Variants in MTMR6 observed in about 807,000 individuals in gnomAD.
MTMR6 encodes myotubularin related protein 6.
MTMR6 carries 47 observed loss-of-function variants against 80.1 expected under a neutral mutation model. The observed-to-expected ratio is 0.59, with a 90% CI of 0.46 to 0.75. MTMR6 has a LOEUF of 0.75. Ranked by LOEUF, MTMR6 falls within the 30% of genes least tolerant of loss-of-function variation. The probability of loss-of-function intolerance (pLI) is 0.00; values close to 1 mark genes in which losing one functional copy is unlikely to be tolerated. For synonymous variants in MTMR6, 254 were observed against 253.0 expected, an observed-to-expected ratio of 1.00 and a Z score of -0.04; for missense variants, 629 against 730.9, an observed-to-expected ratio of 0.86 and a Z score of 1.61.
intron 1 of MTMR6, among the ~76,000 whole-genome samples, chr13:25,274,937 CAG>C (rs1280044738): frequency 5.2e-5 from 7 of 134,406 alleles, no homozygotes; most frequent in African/African-American, 2.1e-4. Flanking sequence ...TACTAGTAGA[CAG>C]ACACACACAC....
In MTMR6 at chr13:25,261,303, TAAAAAAAAA is replaced by T. The variant is rs56833434; in HGVS notation, c.726+356_726+364del. On this transcript the variant is annotated intron_variant, in intron 6 of 13. Transcript: ENST00000381801. The stretch of plus-strand genomic sequence containing the variant: ...AGGGTGACAGAGTGCAACTCTGTCT[TAAAAAAAAA>T]AAAAAAAAAAAAAAAAAAAAAGAAT... Among the ~76,000 whole-genome samples the T allele has an allele frequency of 3.9e-3, 161 of 40,874 alleles. 2 individuals carry two copies. Among genetic ancestry groups the T allele is most frequent in the African/African-American group, 4.7e-3 (54 of 11,524 alleles). 26.8% of individuals were successfully genotyped at this position (40,874 alleles called of 152,430 possible).
Position 25,287,363 on chromosome 13 carries a change from G to T in MTMR6, c.-116C>A. On this transcript the variant is annotated 5_prime_UTR_variant, in exon 1 of 14. Transcript: ENST00000381801. ...ACTCCCTCCACCAGCCAGCGCCGCG[G>T]GTCTGTCTGCCGGCCCCGGTGGCGT... is the stretch of plus-strand genomic sequence containing the variant. 7.2e-7 allele frequency: 1 copy of T among 1,389,046 alleles called. No individual in the cohort carries two copies. The highest frequency in any genetic ancestry group is 9.9e-7 in the Non-Finnish European group (1 of 1,013,572). The allele number at this position is 1,389,046 out of a possible 1,614,324, so 86.0% of individuals were successfully genotyped here.
In MTMR6 at chr13:25,251,436, G is replaced by C. The variant is rs12431141; in HGVS notation, c.1605+213C>G. ...AGATAGTTATTATGTTTATCTATAC[G>C]TTATGCTATATACTTCCGGTATTTT... On this transcript the variant is annotated intron_variant, in intron 13 of 13. Transcript: ENST00000381801. This position sits in a 1 kb window ranked among gnomAD's most constrained non-coding sequence, Gnocchi z 4.1. Among the ~76,000 whole-genome samples the C allele has an allele frequency of 6.6e-6, 1 of 152,020 alleles. No individual in the cohort carries two copies. The highest frequency in any genetic ancestry group is 2.4e-5 in the African/African-American group (1 of 41,340).
chr13:25,270,665 G>A (rs1406574243), intron 2 of MTMR6, among the ~76,000 whole-genome samples: 2 of 152,218 alleles, frequency 1.3e-5, no homozygotes, highest in African/African-American at 4.8e-5. Flanking sequence ...ACTGGATGAA[G>A]AAGGGATCCA....
chr13:25,274,045 A>C (rs758140728), intron 2 of MTMR6, 26 bp downstream of exon 2: 5 of 1,318,384 alleles, frequency 3.8e-6, no homozygotes, highest in Non-Finnish European at 5.4e-6. Context: ...TATTATGATA[A>C]ATAGTACAGC....
chr13:25,260,318 ACCACCATGC>A (rs1266933635), intron 6 of MTMR6, among the ~76,000 whole-genome samples: 1 of 151,174 alleles, frequency 6.6e-6, no homozygotes, highest in Non-Finnish European at 1.5e-5. Flanking sequence ...ACAGGCATTC[ACCACCATGC>A]CCGGCTAATT....
In MTMR6 at chr13:25,285,534, G is replaced by A. The variant is rs73464646; in HGVS notation, c.24+1690C>T. ...ACTACAGGTACATACCACCCCACCC[G>A]GCTTTCTTTTTTTTTTTTGAGACTG... is the stretch of plus-strand genomic sequence containing the variant. On this transcript the variant is annotated intron_variant, in intron 1 of 13. Coordinates refer to ENST00000381801, the MANE Select transcript of MTMR6 (RefSeq NM_004685.5). Among the ~76,000 whole-genome samples, 927 of 150,782 alleles carry A rather than the reference G, an allele frequency of 6.1e-3. 11 individuals carry two copies. Among genetic ancestry groups the A allele is most frequent in the African/African-American group, 0.021 (855 of 41,180 alleles).
Position 25,249,381 on chromosome 13 carries a change from G to A in MTMR6, c.1717C>T (p.Gln573Ter), listed in dbSNP as rs1241902796. The part of the protein sequence containing the change: ...NLKTSLCFKE[Q>*]TLLPVNDALR... Reference sequence around the variant, plus strand: ...GCATCATTTACGGGTAGCAGAGTCTGCTCTTTAAAACACAGGGAAGTTTTG... The same window carrying A: ...GCATCATTTACGGGTAGCAGAGTCTACTCTTTAAAACACAGGGAAGTTTTG... Residue 573 changes from glutamine to a stop codon, truncating the protein, a stop_gained, in exon 14 of 14, where the codon CAG becomes TAG. Coordinates refer to ENST00000381801, the MANE Select transcript of MTMR6 (RefSeq NM_004685.5). LOFTEE classifies it high-confidence loss of function. The A allele has an allele frequency of 6.2e-7, 1 of 1,614,016 alleles. No homozygotes were observed. The highest frequency in any genetic ancestry group is 1.3e-5 in the African/African-American group (1 of 74,918).
intron 1 of MTMR6, among the ~76,000 whole-genome samples, chr13:25,281,058 G>T (rs1185185838): frequency 6.6e-6 from 1 of 152,210 alleles, no homozygotes; most frequent in East Asian, 1.9e-4. Context: ...AGGTGTAGTA[G>T]CTTACGCTTG....
chr13:25,256,205 T>C (rs756808779), intron 9 of MTMR6, among the ~76,000 whole-genome samples: 3 of 152,218 alleles, frequency 2.0e-5, no homozygotes, highest in Admixed American at 2.0e-4. Flanking sequence ...CCAAAGAGGT[T>C]ATGCTTTGAT....
At position 25,251,935 on chromosome 13, in the gene MTMR6, T is replaced by C; in HGVS notation, c.1396A>G (p.Lys466Glu). ...CTGTAGAGAGGATTTAAGTACTTCT[T>C]TTGGTCTTCCAAAAGAAATGGCCAC... ...SLWPFLLEDQ[K>E]KYLNPLYSSE... The change falls in exon 12 of 14, where the codon AAG (lysine) becomes GAG (glutamate). Residue 466 changes from lysine (K) to glutamate (E), a missense_variant. Transcript: ENST00000381801. The surrounding 1 kb of genome is among the most constrained non-coding windows in gnomAD (Gnocchi z 4.1). 1 of 1,610,362 alleles carries C rather than the reference T, an allele frequency of 6.2e-7. No individual in the cohort carries two copies. The highest frequency in any genetic ancestry group is 1.3e-5 in the African/African-American group (1 of 74,758).
intron 2 of MTMR6, among the ~76,000 whole-genome samples, chr13:25,268,831 C>T (rs528471002): frequency 1.3e-5 from 2 of 152,194 alleles, no homozygotes; most frequent in East Asian, 3.9e-4. Context: ...CAGCTGCAGC[C>T]GCCCAGCCAT....
intron 2 of MTMR6, among the ~76,000 whole-genome samples, chr13:25,273,525 A>ATT (rs61701580): frequency 0.08 from 11,029 of 137,538 alleles, 705 homozygotes; most frequent in South Asian, 0.19. Flanking sequence ...GAACAATAGG[A>ATT]TTTTTTTTTT....
At chr13:25,282,349 C>G (rs923075835) in intron 1 of MTMR6, among the ~76,000 whole-genome samples, 11 of 152,164 alleles carry the variant, frequency 7.2e-5, no homozygotes, top group Non-Finnish European at 1.5e-5. Flanking sequence ...CATTTACCAC[C>G]ATCTAACATA....
At position 25,249,480 on chromosome 13, in the gene MTMR6, GTTGT is replaced by G; in HGVS notation, c.1614_1617del (p.Lys538AsnfsTer40). Reference sequence around the variant, plus strand: ...ATGCCATCTGTTTGCTTATTTTTGCGTTGTTTAATTTTCTAGAACAAACACAAAT... The same window carrying G: ...ATGCCATCTGTTTGCTTATTTTTGCGTTAATTTTCTAGAACAAACACAAAT... On this transcript the variant is annotated frameshift_variant, in exon 14 of 14. Transcript: ENST00000381801. LOFTEE classifies it high-confidence loss of function. 6.2e-7 allele frequency: 1 copy of G among 1,611,714 alleles called. No homozygotes were observed. Among genetic ancestry groups the G allele is most frequent in the Non-Finnish European group, 8.5e-7 (1 of 1,178,340 alleles).
Position 25,257,235 on chromosome 13 carries a change from A to G in MTMR6, c.1056T>C (p.Leu352=). ...RTSQVCSLGS[L]LLDSYYRTIK... The stretch of plus-strand genomic sequence containing the variant: ...TTGTCCTGTAGTAGGAATCCAATAA[A>G]AGAGAACCCAGGGAACAAACCTGGG... Residue 352 remains leucine, a synonymous_variant, in exon 9 of 14, where the codon CTT becomes CTC. Coordinates refer to ENST00000381801, the MANE Select transcript of MTMR6 (RefSeq NM_004685.5). 4 of 1,613,942 alleles carry G rather than the reference A, an allele frequency of 2.5e-6. No homozygotes were observed. Among genetic ancestry groups the G allele is most frequent in the Non-Finnish European group, 2.5e-6 (3 of 1,179,890 alleles).
At chr13:25,264,774 A>T (rs912388596) in intron 5 of MTMR6, among the ~76,000 whole-genome samples, 2 of 136,466 alleles carry the variant, frequency 1.5e-5, no homozygotes, top group African/African-American at 5.1e-5. Context: ...AAAAAAAAAA[A>T]AGAAATTTCA....
intron 10 of MTMR6, 79 bp downstream of exon 10, chr13:25,254,306 T>C (rs1028051985): frequency 2.8e-5 from 29 of 1,029,672 alleles, no homozygotes; most frequent in Middle Eastern, 2.0e-4. Flanking sequence ...TGTGAGTTCA[T>C]AAGGAACAGA....
chr13:25,271,276 G>A (rs1957569911), intron 2 of MTMR6, among the ~76,000 whole-genome samples: 1 of 152,092 alleles, frequency 6.6e-6, no homozygotes, highest in Admixed American at 6.6e-5. Context: ...TCCCTGATAA[G>A]CAATGGGGCT....
Sources: allele counts gnomAD v4.1 joint callset (sites outside exome capture counted in the v4.1 genomes callset), GRCh38; gene constraint gnomAD v4.1.1; non-coding constraint Gnocchi (gnomAD v3.1); transcripts MANE v1.5; gene names NCBI Gene and HGNC (gene_info 2026-07-23, HGNC 2026-07-21).